The following MDGA2 variants were observed in gnomAD, a reference collection of about 807,000 sequenced individuals.
MDGA2 encodes MAM domain containing glycosylphosphatidylinositol anchor 2.
Under a neutral mutation model 117.8 loss-of-function variants are expected in MDGA2, and 40 were observed. The ratio of observed to expected loss-of-function variants is 0.34; its 90% confidence interval spans 0.26 to 0.44. The LOEUF (loss-of-function observed/expected upper bound fraction) is 0.44, where lower values mean the gene tolerates loss of function less well. Among genes scored for constraint, MDGA2 ranks in the 20% least tolerant of loss-of-function variants. The probability of loss-of-function intolerance (pLI) is 1.00; values close to 1 mark genes in which losing one functional copy is unlikely to be tolerated. For missense variants in MDGA2, 1,123 were observed against 1,250.6 expected, an observed-to-expected ratio of 0.90 and a Z score of 1.54; for synonymous variants, 452 against 439.0, an observed-to-expected ratio of 1.03 and a Z score of -0.37.
At chr14:47,420,362 T>C (rs1298867153) in intron 1 of MDGA2, among the ~76,000 whole-genome samples, 1 of 152,182 alleles carries the variant, frequency 6.6e-6, no homozygotes, top group African/African-American at 2.4e-5. Flanking sequence ...TCTTTCCTGG[T>C]CTTCTATTTT....
Position 47,177,116 on chromosome 14 carries a change from C to T in MDGA2, c.596-32842G>A, listed in dbSNP as rs999857375. On this transcript the variant is annotated intron_variant, in intron 3 of 16. Transcript: ENST00000399232. Reference sequence around the variant, plus strand: ...ACCACAATGAGATACCATCTCACACCAGTTAGAATGGCAGTCATTAAAAGT... The same window carrying T: ...ACCACAATGAGATACCATCTCACACTAGTTAGAATGGCAGTCATTAAAAGT... Among the ~76,000 whole-genome samples, 19 of 152,286 alleles carry T rather than the reference C, an allele frequency of 1.2e-4. 1 individual carries two copies. The highest frequency in any genetic ancestry group is 4.1e-4 in the African/African-American group (17 of 41,554).
chr14:47,103,884 C>A (rs1172659242), intron 5 of MDGA2, among the ~76,000 whole-genome samples: 1 of 152,174 alleles, frequency 6.6e-6, no homozygotes, highest in African/African-American at 2.4e-5. Flanking sequence ...AGTATTTCTA[C>A]AGCATCTACT....
intron 5 of MDGA2, among the ~76,000 whole-genome samples, chr14:47,102,194 C>T (rs1038339175): frequency 1.3e-5 from 2 of 152,032 alleles, no homozygotes; most frequent in Non-Finnish European, 2.9e-5. Flanking sequence ...CCCAGCTTTC[C>T]ATCCAGACTC....
At chr14:47,402,245 G>A (rs750846317) in intron 1 of MDGA2, among the ~76,000 whole-genome samples, 3 of 151,534 alleles carry the variant, frequency 2.0e-5, no homozygotes, top group Non-Finnish European at 4.4e-5. Flanking sequence ...AAACCAAGTG[G>A]TATTGTTACT....
intron 1 of MDGA2, among the ~76,000 whole-genome samples, chr14:47,487,877 G>T (rs1469422283): frequency 6.6e-6 from 1 of 151,984 alleles, no homozygotes; most frequent in African/African-American, 2.4e-5. Context: ...ATATTTATGT[G>T]GCTTTTTGGG....
intron 11 of MDGA2, among the ~76,000 whole-genome samples, chr14:46,878,303 A>G (rs1227745276): frequency 6.6e-6 from 1 of 152,028 alleles, no homozygotes; most frequent in East Asian, 1.9e-4. Flanking sequence ...TTAACCACTT[A>G]TCACTCTGAG....
intron 1 of MDGA2, among the ~76,000 whole-genome samples, chr14:47,347,014 G>T (rs1014949043): frequency 5.9e-5 from 9 of 152,146 alleles, no homozygotes; most frequent in African/African-American, 2.2e-4. Flanking sequence ...ACGGGGGAGT[G>T]CACCACAAAC....
At chr14:46,937,080 T>C (rs1222247802) in intron 9 of MDGA2, among the ~76,000 whole-genome samples, 1 of 151,476 alleles carries the variant, frequency 6.6e-6, no homozygotes, top group East Asian at 1.9e-4. Flanking sequence ...AACTGAAAAA[T>C]AAATTTAATA....
intron 2 of MDGA2, among the ~76,000 whole-genome samples, chr14:47,266,407 G>T (rs1887966538): frequency 6.6e-6 from 1 of 152,068 alleles, no homozygotes; most frequent in South Asian, 2.1e-4. Context: ...CCCTGGTCAG[G>T]CCACTGTCAT....
At chr14:47,069,597 T>A (rs974893898) in intron 6 of MDGA2, among the ~76,000 whole-genome samples, 1 of 152,206 alleles carries the variant, frequency 6.6e-6, no homozygotes, top group African/African-American at 2.4e-5. Flanking sequence ...AAAGTCAGGT[T>A]TGTTGAGAAA....
chr14:47,547,943 G>T (rs906340021), intron 1 of MDGA2, among the ~76,000 whole-genome samples: 1 of 151,992 alleles, frequency 6.6e-6, no homozygotes, highest in African/African-American at 2.4e-5. Context: ...CAAAAACTTT[G>T]ATCCAATATA....
At chr14:46,977,142 A>G (rs1450976593) in intron 8 of MDGA2, among the ~76,000 whole-genome samples, 1 of 151,878 alleles carries the variant, frequency 6.6e-6, no homozygotes, top group East Asian at 1.9e-4. Context: ...AGTACACATG[A>G]CTATATGACA....
At chr14:47,529,852 C>A (rs1420120009) in intron 1 of MDGA2, among the ~76,000 whole-genome samples, 1 of 152,164 alleles carries the variant, frequency 6.6e-6, no homozygotes, top group African/African-American at 2.4e-5. Context: ...ATGAATATGA[C>A]ATTTATACAG....
intron 1 of MDGA2, among the ~76,000 whole-genome samples, chr14:47,647,017 G>A (rs939075552): frequency 1.3e-5 from 2 of 152,098 alleles, no homozygotes; most frequent in Non-Finnish European, 2.9e-5. Flanking sequence ...ACATTGCCAT[G>A]TCTTATGAAT....
intron 1 of MDGA2, among the ~76,000 whole-genome samples, chr14:47,606,708 G>C (rs567807730): frequency 6.6e-6 from 1 of 152,122 alleles, no homozygotes. Context: ...TGTATGATAT[G>C]ATCTGTTTCC....
intron 1 of MDGA2, among the ~76,000 whole-genome samples, chr14:47,569,164 A>G (rs1399797290): frequency 6.6e-6 from 1 of 152,188 alleles, no homozygotes; most frequent in Non-Finnish European, 1.5e-5. Flanking sequence ...AAAAAACAAA[A>G]CAAAATTCAA....
At chr14:47,609,042 A>G (rs982620714) in intron 1 of MDGA2, among the ~76,000 whole-genome samples, 2 of 151,924 alleles carry the variant, frequency 1.3e-5, no homozygotes, top group African/African-American at 4.8e-5. Flanking sequence ...TCAGGCATTC[A>G]GTTCTTTTTT....
chr14:47,245,635 G>C (rs1306713709), intron 2 of MDGA2, among the ~76,000 whole-genome samples: 22 of 151,722 alleles, frequency 1.5e-4, no homozygotes, highest in Admixed American at 1.4e-3. Context: ...AATTGTTCAA[G>C]ACATACTTTA....
At position 47,493,608 on chromosome 14, in the gene MDGA2, G is replaced by A. The variant is rs574111839; in HGVS notation, c.280+180909C>T. Among the ~76,000 whole-genome samples, 14 of 152,006 alleles carry A rather than the reference G, an allele frequency of 9.2e-5. No homozygotes were observed. In the South Asian group the frequency reaches 2.1e-3, roughly 23 times the overall value. ...GCTGGGATTACAGGTGTGAGCCACC[G>A]GACCTGGCCTAAATCATCTAAAATA... On this transcript the variant is annotated intron_variant, in intron 1 of 16. Coordinates refer to ENST00000399232, the MANE Select transcript of MDGA2 (RefSeq NM_001113498.3).
Sources: allele counts gnomAD v4.1 joint callset (sites outside exome capture counted in the v4.1 genomes callset), GRCh38; gene constraint gnomAD v4.1.1; transcripts MANE v1.5; gene names NCBI Gene and HGNC (gene_info 2026-07-23, HGNC 2026-07-21).